SCFD2: variants seen among roughly 807,000 people sequenced by gnomAD.
SCFD2 encodes the protein sec1 family domain containing 2, also known as sec1 family domain-containing protein 2.
Under a neutral mutation model 58.9 loss-of-function variants are expected in SCFD2, and 54 were observed. That is an observed-to-expected ratio of 0.92 (90% confidence interval 0.74 to 1.15). The LOEUF (loss-of-function observed/expected upper bound fraction) is 1.15. Ranked by LOEUF, SCFD2 falls within the 50% of genes most tolerant of loss-of-function variation. The pLI is 0.00. For synonymous variants in SCFD2, 321 were observed against 335.9 expected (o/e 0.96, Z 0.49); for missense variants, 805 against 836.6 (o/e 0.96, Z 0.47).
intron 5 of SCFD2, among the ~76,000 whole-genome samples, chr4:52,937,847 T>C (rs1720182813): frequency 6.6e-6 from 1 of 152,202 alleles, no homozygotes; most frequent in Admixed American, 6.5e-5. Context: ...ACTTACTGGT[T>C]CATTCTGGAT....
intron 5 of SCFD2, among the ~76,000 whole-genome samples, chr4:53,007,383 A>G (rs1227391216): frequency 1.1e-5 from 1 of 87,236 alleles, no homozygotes; most frequent in Non-Finnish European, 2.6e-5. Context: ...GAAAGGAAGG[A>G]AAGAAGGAAG....
chr4:53,244,020 T>A (rs563551853), intron 4 of SCFD2, among the ~76,000 whole-genome samples: 3 of 152,138 alleles, frequency 2.0e-5, no homozygotes, highest in East Asian at 3.9e-4. Flanking sequence ...AGAAAAGGGT[T>A]CAACTCAACA....
chr4:52,900,486 G>C (rs954762654), intron 7 of SCFD2, among the ~76,000 whole-genome samples: 1 of 152,208 alleles, frequency 6.6e-6, no homozygotes, highest in Non-Finnish European at 1.5e-5. Flanking sequence ...GCTGCTGCCT[G>C]ATCGTTCCTC....
intron 4 of SCFD2, among the ~76,000 whole-genome samples, chr4:53,229,010 C>G (rs1229144554): frequency 6.6e-6 from 1 of 152,096 alleles, no homozygotes; most frequent in African/African-American, 2.4e-5. Flanking sequence ...TGAGTGAACT[C>G]CCATTCACAA....
At chr4:53,169,820 C>T (rs571877231) in intron 4 of SCFD2, among the ~76,000 whole-genome samples, 7 of 152,190 alleles carry the variant, frequency 4.6e-5, no homozygotes, top group African/African-American at 1.2e-4. Context: ...CTTTGTTGGT[C>T]ATTTGTATAT....
chr4:53,082,249 T>C (rs1235469386), intron 5 of SCFD2, among the ~76,000 whole-genome samples: 3 of 152,172 alleles, frequency 2.0e-5, no homozygotes, highest in Non-Finnish European at 4.4e-5. Context: ...TATGTTCAAC[T>C]TTCTGAGGAA....
intron 4 of SCFD2, among the ~76,000 whole-genome samples, chr4:53,237,460 G>T (rs1354327911): frequency 7.3e-6 from 1 of 137,058 alleles, no homozygotes; most frequent in African/African-American, 3.0e-5. Context: ...GGGTCTGGCC[G>T]GGCGGGGGGG....
intron 4 of SCFD2, among the ~76,000 whole-genome samples, chr4:53,251,075 C>G (rs1466583550): frequency 1.3e-5 from 2 of 152,160 alleles, no homozygotes; most frequent in Non-Finnish European, 2.9e-5. Context: ...CACAGAAATA[C>G]AAACTACCAT....
intron 5 of SCFD2, among the ~76,000 whole-genome samples, chr4:52,975,742 T>A (rs527696245): frequency 9.8e-4 from 149 of 152,280 alleles, no homozygotes; most frequent in African/African-American, 3.5e-3. Flanking sequence ...ATTGTGGCAC[T>A]ATTCACAATA....
chr4:52,920,645 A>G, intron 6 of SCFD2, 80 bp downstream of exon 6: 2 of 1,081,426 alleles, frequency 1.8e-6, no homozygotes, highest in Non-Finnish European at 2.6e-6. Context: ...GGAAGGTTAA[A>G]AGGGAACCTT....
intron 5 of SCFD2, among the ~76,000 whole-genome samples, chr4:53,134,123 T>C (rs1382209075): frequency 6.6e-6 from 1 of 152,292 alleles, no homozygotes; most frequent in African/African-American, 2.4e-5. Context: ...ATATGAGGTA[T>C]AGGTAAATTC....
At chr4:53,196,806 T>C in intron 4 of SCFD2, among the ~76,000 whole-genome samples, 1 of 151,016 alleles carries the variant, frequency 6.6e-6, no homozygotes, top group Admixed American at 6.6e-5. Flanking sequence ...ATCATGCCAA[T>C]GTCTTGTTCA....
At position 53,329,390 on chromosome 4, in the gene SCFD2, G is replaced by A. The variant is rs546205242; in HGVS notation, c.1008-15627C>T. Among the ~76,000 whole-genome samples, 713 of 152,162 alleles carry A rather than the reference G, an allele frequency of 4.7e-3. 3 individuals carry two copies. The highest frequency in any genetic ancestry group is 0.016 in the African/African-American group (666 of 41,502). ...GCAGTGGTTCTCCCAGCACGCAGCT[G>A]GAGATCTCAGAACGGGCAGACTGCC... On this transcript the variant is annotated intron_variant, in intron 2 of 8. Transcript: ENST00000401642.
intron 5 of SCFD2, among the ~76,000 whole-genome samples, chr4:53,017,850 T>G (rs1230451774): frequency 6.6e-6 from 1 of 152,058 alleles, no homozygotes; most frequent in Non-Finnish European, 1.5e-5. Flanking sequence ...GCCTTTGCAT[T>G]TGCTATTCTG....
At chr4:53,166,832 CAA>C (rs34996788) in intron 4 of SCFD2, among the ~76,000 whole-genome samples, 81 of 118,788 alleles carry the variant, frequency 6.8e-4, no homozygotes, top group Admixed American at 7.2e-4. Context: ...AAATGCCCAC[CAA>C]AAAAAAAAAA....
chr4:53,237,796 C>T (rs1418580506), intron 4 of SCFD2, among the ~76,000 whole-genome samples: 5 of 48,262 alleles, frequency 1.0e-4, no homozygotes, highest in Admixed American at 3.6e-4. Flanking sequence ...CCATCCCGGA[C>T]GGGGCGGCTG....
At chr4:52,899,556 G>A (rs1370706312) in intron 7 of SCFD2, among the ~76,000 whole-genome samples, 7 of 152,160 alleles carry the variant, frequency 4.6e-5, no homozygotes, top group African/African-American at 1.4e-4. Context: ...TGGGTAACCC[G>A]ACCTTTCTCT....
chr4:53,105,685 A>C (rs1301367230), intron 5 of SCFD2, among the ~76,000 whole-genome samples: 2 of 152,306 alleles, frequency 1.3e-5, no homozygotes, highest in Non-Finnish European at 2.9e-5. Context: ...CAGCAGCCCC[A>C]GTCAGGGGCT....
chr4:53,214,068 C>G (rs1402921099), intron 4 of SCFD2, among the ~76,000 whole-genome samples: 7 of 151,984 alleles, frequency 4.6e-5, no homozygotes, highest in Non-Finnish European at 8.8e-5. Flanking sequence ...ATGGACATTT[C>G]GGTTGATTTC....
Sources: gnomAD v4.1 joint callset for allele counts (sites outside exome capture counted in the v4.1 genomes callset) on GRCh38, gnomAD v4.1.1 for gene constraint, MANE v1.5 for transcripts, NCBI Gene and HGNC (gene_info 2026-07-23, HGNC 2026-07-21) for gene names.